The following SYCP2L variants were observed in gnomAD, a reference collection of about 807,000 sequenced individuals.
The protein encoded by SYCP2L is synaptonemal complex protein 2 like, also known as synaptonemal complex protein 2-like.
Under a neutral mutation model 125.8 loss-of-function variants are expected in SYCP2L, and 98 were observed. The ratio of observed to expected loss-of-function variants is 0.78; its 90% CI spans 0.66 to 0.92. The LOEUF (loss-of-function observed/expected upper bound fraction) is 0.92. Among genes scored for constraint, SYCP2L ranks in the 40% least tolerant of loss-of-function variants. The pLI, the probability that SYCP2L is intolerant of heterozygous loss-of-function variation, is 0.00. For missense variants in SYCP2L, 842 were observed against 936.4 expected, an observed-to-expected ratio of 0.90 and a Z score of 1.32; for synonymous variants, 317 against 325.4, an observed-to-expected ratio of 0.97 and a Z score of 0.28.
intron 28 of SYCP2L, chr6:10,963,513 C>T (rs546544823): frequency 3.0e-5 from 12 of 406,040 alleles, no homozygotes; most frequent in African/African-American, 2.0e-4. Context: ...CTTAGAACTA[C>T]AAGGTGCTAG....
Position 10,927,353 on chromosome 6 carries a change from G to C in SYCP2L, c.1426G>C (p.Ala476Pro). 2 of 1,612,968 alleles carry C rather than the reference G, an allele frequency of 1.2e-6. No individual in the cohort carries two copies. Among genetic ancestry groups the C allele is most frequent in the Non-Finnish European group, 1.7e-6 (2 of 1,179,434 alleles). ...TGAGCCACCTGTTATTGGGGAACCT[G>C]CCTCTGATAGTCACGTAGGTTCTTT... ...QSEPPVIGEP[A>P]SDSHLQPVPP... Residue 476 changes from alanine to proline, a missense_variant, in exon 17 of 30, where the codon GCC becomes CCC. Physicochemically the swap from Ala to Pro is conservative, Grantham distance 27 (BLOSUM62 -1). Coordinates refer to ENST00000283141, the MANE Select transcript of SYCP2L (RefSeq NM_001040274.3).
At chr6:10,944,383 G>A (rs7775054) in intron 23 of SYCP2L, among the ~76,000 whole-genome samples, 6,106 of 152,164 alleles carry the variant, frequency 0.04, 415 homozygotes, top group African/African-American at 0.14. Context: ...TGATTCCTAG[G>A]AATTCTTCGT....
chr6:10,922,112 A>G (rs903338008), intron 14 of SYCP2L, among the ~76,000 whole-genome samples: 4 of 152,166 alleles, frequency 2.6e-5, no homozygotes, highest in African/African-American at 7.2e-5. Flanking sequence ...AAAATAATTC[A>G]TTATTTTCTT....
chr6:10,895,749 A>G (rs1049861570), intron 4 of SYCP2L, among the ~76,000 whole-genome samples: 2 of 152,096 alleles, frequency 1.3e-5, no homozygotes, highest in African/African-American at 2.4e-5. Flanking sequence ...CGGCCTCCCA[A>G]AGTGCTGGGA....
chr6:10,907,893 T>TTTTTTTTTTTTTTTTTTTTTG, intron 10 of SYCP2L, among the ~76,000 whole-genome samples: 1 of 15,004 alleles, frequency 6.7e-5, no homozygotes, highest in African/African-American at 1.4e-4. Context: ...TACAGATAGG[T>TTTTTTTTTTTTTTTTTTTTTG]TTTTTTTTTT....
At chr6:10,959,024 T>C (rs1581844641) in intron 26 of SYCP2L, 149 bp downstream of exon 26, 2 of 679,436 alleles carry the variant, frequency 2.9e-6, no homozygotes, top group East Asian at 5.7e-5. Flanking sequence ...GGGTTTCCGG[T>C]TCTTCATTCA....
intron 15 of SYCP2L, 41 bp from the exon 16 acceptor site, chr6:10,926,298 G>T (rs768892244): frequency 1.3e-5 from 18 of 1,375,876 alleles, no homozygotes; most frequent in Non-Finnish European, 1.5e-5. Flanking sequence ...TTTTTTTAAA[G>T]ATGACTACAT....
At chr6:10,942,307 G>A (rs112584589) in intron 21 of SYCP2L, 152 bp from the exon 22 acceptor site, 6,229 of 575,562 alleles carry the variant, frequency 0.011, 184 homozygotes, top group African/African-American at 0.07. Flanking sequence ...AAAAGAATTC[G>A]TGTCCCGAAA....
intron 14 of SYCP2L, among the ~76,000 whole-genome samples, chr6:10,924,203 A>T (rs1780858184): frequency 6.6e-6 from 1 of 152,188 alleles, no homozygotes; most frequent in African/African-American, 2.4e-5. Context: ...AAATGCTCTT[A>T]AAAAAACTGA....
At chr6:10,941,674 A>G (rs575619698) in intron 21 of SYCP2L, among the ~76,000 whole-genome samples, 294 of 152,362 alleles carry the variant, frequency 1.9e-3, no homozygotes, top group African/African-American at 7.0e-3. Context: ...GATGTGGAGA[A>G]ATAGGCACAC....
In SYCP2L at chr6:10,963,781, G is replaced by C. The variant is rs1781630908; in HGVS notation, c.2415-1G>C. ...ATAAGAGATGGACCAATTTCTTCCA[G>C]GTTCAATTCAACTCAGACTTCATAA... On this transcript the variant is annotated splice_acceptor_variant, in intron 28 of 29. Coordinates refer to ENST00000283141, the MANE Select transcript of SYCP2L (RefSeq NM_001040274.3). LOFTEE classifies it high-confidence loss of function. The C allele has an allele frequency of 1.2e-6, 2 of 1,613,576 alleles. No individual in the cohort carries two copies. Among genetic ancestry groups the C allele is most frequent in the Admixed American group, 1.7e-5 (1 of 59,964 alleles).
chr6:10,942,758 G>A lies in SYCP2L; in HGVS notation c.1954+12G>A. The A allele has an allele frequency of 6.6e-7, 1 of 1,505,794 alleles. No individual in the cohort carries two copies. The highest frequency in any genetic ancestry group is 1.9e-4 in the Middle Eastern group (1 of 5,188). The allele number at this position is 1,505,794 out of a possible 1,614,324, so 93.3% of individuals were successfully genotyped here. A position where few individuals can be genotyped will look rare whatever the true frequency, so the allele number is the denominator to read the frequency against. ...CTTGGAAGACAAAGGTAAGAGAATA[G>A]TACTTTTTTTTTTTTTTTTGCAGAA... On this transcript the variant is annotated intron_variant, in intron 23 of 29. Coordinates refer to ENST00000283141, the MANE Select transcript of SYCP2L (RefSeq NM_001040274.3).
Position 10,893,983 on chromosome 6 carries a change from T to C in SYCP2L, c.195T>C (p.Arg65=), listed in dbSNP as rs777053896. The change falls in exon 3 of 30, where the codon CGT becomes CGC. Residue 65 remains arginine, a synonymous_variant. Coordinates refer to ENST00000283141, the MANE Select transcript of SYCP2L (RefSeq NM_001040274.3). ...PQKYNRLLLY[R]LDRSINKELD... ...AATATAATCGTCTTCTATTATACCG[T>C]CTTGACAGATCAATAAATAAGGCAA... is the stretch of plus-strand genomic sequence containing the variant. 2 of 1,606,740 alleles carry C rather than the reference T, an allele frequency of 1.2e-6. No homozygotes were observed. The highest frequency in any genetic ancestry group is 1.7e-6 in the Non-Finnish European group (2 of 1,178,350).
At chr6:10,898,478 G>A (rs950748782) in intron 5 of SYCP2L, among the ~76,000 whole-genome samples, 3 of 152,200 alleles carry the variant, frequency 2.0e-5, no homozygotes, top group Non-Finnish European at 2.9e-5. Flanking sequence ...CCACGCGATT[G>A]TACTTCAGCC....
chr6:10,955,238 A>G (rs748294156), intron 24 of SYCP2L, 21 bp downstream of exon 24: 1 of 1,501,878 alleles, frequency 6.7e-7, no homozygotes, highest in South Asian at 1.1e-5. Flanking sequence ...GCACCCAGCC[A>G]ATGGTTCAAG....
At chr6:10,956,114 A>G in intron 24 of SYCP2L, 22 bp from the exon 25 acceptor site, 1 of 1,574,692 alleles carries the variant, frequency 6.4e-7, no homozygotes. Context: ...GTTTTATTCC[A>G]TGTTTTGTTT....
At chr6:10,971,760 T>C (rs892098798) in intron 29 of SYCP2L, among the ~76,000 whole-genome samples, 2 of 151,316 alleles carry the variant, frequency 1.3e-5, no homozygotes, top group African/African-American at 4.9e-5. Flanking sequence ...TCTTAGCTCA[T>C]TGCACCTCCT....
At chr6:10,932,054 A>G (rs1439701815) in intron 20 of SYCP2L, among the ~76,000 whole-genome samples, 3 of 146,878 alleles carry the variant, frequency 2.0e-5, no homozygotes, top group Non-Finnish European at 4.5e-5. Context: ...GAATGATGCT[A>G]AAATTCTGGG....
At chr6:10,919,512 A>G (rs1463226875) in intron 14 of SYCP2L, among the ~76,000 whole-genome samples, 1 of 152,106 alleles carries the variant, frequency 6.6e-6, no homozygotes, top group Non-Finnish European at 1.5e-5. Context: ...GATGGTTCTT[A>G]ACTTTGGTAG....
Sources: allele counts gnomAD v4.1 joint callset (sites outside exome capture counted in the v4.1 genomes callset), GRCh38; gene constraint gnomAD v4.1.1; transcripts MANE v1.5; gene names NCBI Gene and HGNC (gene_info 2026-07-23, HGNC 2026-07-21).